Variants in OR2J3 observed in about 807,000 individuals in gnomAD.
OR2J3 encodes olfactory receptor family 2 subfamily J member 3, also known as olfactory receptor 2J3.
A neutral mutation model predicts 18.5 loss-of-function variants in OR2J3; 13 were observed. The ratio of observed to expected loss-of-function variants is 0.70; its 90% CI spans 0.46 to 1.12. The LOEUF (loss-of-function observed/expected upper bound fraction) is 1.12. Among genes scored for constraint, OR2J3 ranks in the 50% most tolerant of loss-of-function variants. The pLI, the probability that OR2J3 is intolerant of heterozygous loss-of-function variation, is 0.00. For synonymous variants in OR2J3, 142 were observed against 140.6 expected (o/e 1.01, Z -0.07); for missense variants, 321 against 371.6 (o/e 0.86, Z 1.12).
intron 3 of OR2J3, among the ~76,000 whole-genome samples, chr6:29,111,185 C>T (rs1047578371): frequency 6.6e-6 from 1 of 152,140 alleles, no homozygotes; most frequent in Non-Finnish European, 1.5e-5. Flanking sequence ...CTCTTTTCAT[C>T]TGGACCAGTT....
At position 29,112,960 on chromosome 6, in the gene OR2J3, G is replaced by T. The variant is rs1392934211; in HGVS notation, c.*134G>T. 2.7e-6 allele frequency: 3 copies of T among 1,113,656 alleles called. No homozygotes were observed. The highest frequency in any genetic ancestry group is 3.7e-6 in the Non-Finnish European group (3 of 806,168). The allele number at this position is 1,113,656 out of a possible 1,614,324, so 69.0% of individuals were successfully genotyped here. A position where few individuals can be genotyped will look rare whatever the true frequency, so the allele number is the denominator to read the frequency against. On this transcript the variant is annotated 3_prime_UTR_variant, in exon 4 of 4. Transcript: ENST00000641151. The stretch of plus-strand genomic sequence containing the variant: ...GCTGAGCATGTACTCTAACAAGGTC[G>T]TGGAGTTCCTGGTAACAGGTAGGAA...
In OR2J3 at chr6:29,114,684, T is replaced by A. The variant is rs1224554367; in HGVS notation, c.*1858T>A. 6.6e-6 allele frequency: 1 copy of A among 152,122 alleles called. No homozygotes were observed. The highest frequency in any genetic ancestry group is 1.5e-5 in the Non-Finnish European group (1 of 68,010). 9.4% of individuals were successfully genotyped at this position (152,122 alleles called of 1,614,324 possible). A position where few individuals can be genotyped will look rare whatever the true frequency, so the allele number is the denominator to read the frequency against. On this transcript the variant is annotated 3_prime_UTR_variant, in exon 4 of 4. Transcript: ENST00000641151. ...TCACCATACCGTAGAATAGATCTCTTGAATTTGTTCCTTCCATCTGAAACT... is the reference window on the plus strand; with the variant it reads ...TCACCATACCGTAGAATAGATCTCTAGAATTTGTTCCTTCCATCTGAAACT...
Position 29,113,719 on chromosome 6 carries a change from T to C in OR2J3, c.*893T>C, listed in dbSNP as rs1762236234. 1 of 152,190 alleles carries C rather than the reference T, an allele frequency of 6.6e-6. No homozygotes were observed. The highest frequency in any genetic ancestry group is 6.5e-5 in the Admixed American group (1 of 15,272). The allele number at this position is 152,190 out of a possible 1,614,324, so 9.4% of individuals were successfully genotyped here. A position where few individuals can be genotyped will look rare whatever the true frequency, so the allele number is the denominator to read the frequency against. ...AAATTTTATGATAGAAACTGTCATATGGAAAATGATAGCTTATTTTTATTT... is the reference window on the plus strand; with the variant it reads ...AAATTTTATGATAGAAACTGTCATACGGAAAATGATAGCTTATTTTTATTT... On this transcript the variant is annotated 3_prime_UTR_variant, in exon 4 of 4. Transcript: ENST00000641151.
chr6:29,112,422 G>T lies in OR2J3; in HGVS notation c.532G>T (p.Asp178Tyr). ...ACCTCTGTGTGGACACCGCCAAGTA[G>T]ATCACTTTTTCTGTGAAGTTCCAGC... ...WVPLCGHRQV[D>Y]HFFCEVPALL... is the part of the protein sequence containing the mutation. The change falls in exon 4 of 4, where the codon GAT becomes TAT. Residue 178 changes from aspartate to tyrosine, a missense_variant. By Grantham distance (160) the Asp-to-Tyr change is radical. Transcript: ENST00000641151. 6.2e-7 allele frequency: 1 copy of T among 1,614,062 alleles called. No homozygotes were observed. The highest frequency in any genetic ancestry group is 8.5e-7 in the Non-Finnish European group (1 of 1,180,000).
chr6:29,112,545 A>C lies in OR2J3; in HGVS notation c.655A>C (p.Thr219Pro), dbSNP rs1447993491. ...FVLIPLILIL[T>P]SYGAIVRAIL... Reference sequence around the variant, plus strand: ...TCTCATACCTCTCATCCTCATTCTCACTTCTTATGGTGCCATCGTCCGAGC... The same window carrying C: ...TCTCATACCTCTCATCCTCATTCTCCCTTCTTATGGTGCCATCGTCCGAGC... The change falls in exon 4 of 4, where the codon ACT (threonine) becomes CCT (proline). Residue 219 changes from threonine (T) to proline (P), a missense_variant. By Grantham distance (38) the Thr-to-Pro change is conservative (BLOSUM62 -1). Coordinates refer to ENST00000641151, the MANE Select transcript of OR2J3 (RefSeq NM_001005216.4). The C allele has an allele frequency of 6.2e-7, 1 of 1,613,918 alleles. No individual in the cohort carries two copies. The highest frequency in any genetic ancestry group is 8.5e-7 in the Non-Finnish European group (1 of 1,179,970).
chr6:29,112,272 G>A lies in OR2J3; in HGVS notation c.382G>A (p.Ala128Thr). The A allele has an allele frequency of 6.2e-7, 1 of 1,614,106 alleles. No homozygotes were observed. Among genetic ancestry groups the A allele is most frequent in the Non-Finnish European group, 8.5e-7 (1 of 1,180,022 alleles). The change falls in exon 4 of 4, where the codon GCT becomes ACT. Residue 128 changes from alanine to threonine, a missense_variant. Ala to Thr is a moderately conservative substitution (Grantham distance 58, BLOSUM62 0). Transcript: ENST00000641151. ...LVVMSYDRYAAVCRPLHYTVL... is the reference protein window; with the variant it reads ...LVVMSYDRYATVCRPLHYTVL... ...GGTGATGTCCTATGACCGTTATGCA[G>A]CTGTGTGTAGACCTTTGCATTACAC...
rs1445609182 is a variant in OR2J3, at chr6:29,112,901, AC to A, written c.*77del. 2.0e-6 allele frequency: 3 copies of A among 1,485,022 alleles called. No homozygotes were observed. The highest frequency in any genetic ancestry group is 2.8e-5 in the African/African-American group (2 of 71,324). 92.0% of individuals were successfully genotyped at this position (1,485,022 alleles called of 1,614,324 possible). A position where few individuals can be genotyped will look rare whatever the true frequency, so the allele number is the denominator to read the frequency against. On this transcript the variant is annotated 3_prime_UTR_variant, in exon 4 of 4. Transcript: ENST00000641151. ...GATTCATCCTTCTATTTATTTATCA[AC>A]CATTCTTTTATTCACTCACTCTGTT... is the stretch of plus-strand genomic sequence containing the variant.
Position 29,112,991 on chromosome 6 carries a change from C to A in OR2J3, c.*165C>A. 2.7e-6 allele frequency: 2 copies of A among 749,322 alleles called. No homozygotes were observed. Among genetic ancestry groups the A allele is most frequent in the Non-Finnish European group, 4.2e-6 (2 of 476,230 alleles). The allele number at this position is 749,322 out of a possible 1,614,324, so 46.4% of individuals were successfully genotyped here. ...TTCCTGGTAACAGGTAGGAATAAAA[C>A]ACAGTCAGCCTAAATACCATTCACT... On this transcript the variant is annotated 3_prime_UTR_variant, in exon 4 of 4. Coordinates refer to ENST00000641151, the MANE Select transcript of OR2J3 (RefSeq NM_001005216.4).
At position 29,112,801 on chromosome 6, in the gene OR2J3, T is replaced by G. The variant is rs780506458; in HGVS notation, c.911T>G (p.Val304Gly). The change falls in exon 4 of 4, where the codon GTG becomes GGG. Residue 304 changes from valine (V) to glycine (G), a missense_variant. Transcript: ENST00000641151. ...AGAAACAAAGTTGTAAGAGGGGCAG[T>G]GAAGAGACTAATGGGGTGGGAATGA... is the stretch of plus-strand genomic sequence containing the variant. ...TLRNKVVRGA[V>G]KRLMGWE The G allele has an allele frequency of 6.2e-7, 1 of 1,613,432 alleles. No homozygotes were observed. Among genetic ancestry groups the G allele is most frequent in the East Asian group, 2.2e-5 (1 of 44,878 alleles).
At position 29,108,841 on chromosome 6, in the gene OR2J3, C is replaced by A. The variant is rs532723556; in HGVS notation, c.-45C>A. 1 of 152,234 alleles carries A rather than the reference C, an allele frequency of 6.6e-6. No individual in the cohort carries two copies. Among genetic ancestry groups the A allele is most frequent in the South Asian group, 2.1e-4 (1 of 4,824 alleles). 9.4% of individuals were successfully genotyped at this position (152,234 alleles called of 1,614,324 possible). On this transcript the variant is annotated 5_prime_UTR_variant, in exon 3 of 4. Transcript: ENST00000641151. ...TCCACCAGGAAGAAGAAAATTAACC[C>A]AGAAAAATTCCTACCTTTTCCTTGC...
intron 3 of OR2J3, among the ~76,000 whole-genome samples, chr6:29,109,863 A>T (rs1762061271): frequency 6.6e-6 from 1 of 152,226 alleles, no homozygotes; most frequent in Non-Finnish European, 1.5e-5. Context: ...ATGATTCATT[A>T]AATATTCAGA....
chr6:29,110,456 C>T lies in OR2J3; in HGVS notation c.-10-1425C>T, dbSNP rs551623336. ...AAGATTATTGTGATTGCAATGATTA[C>T]GTTTTCCACAATCACATTTAAGAAA... On this transcript the variant is annotated intron_variant, in intron 3 of 3. Transcript: ENST00000641151. Among the ~76,000 whole-genome samples the T allele has an allele frequency of 3.4e-4, 52 of 152,164 alleles. 3 individuals carry two copies. In the South Asian group the frequency reaches 8.3e-3, roughly 24 times the overall value.
rs1762234999 is a variant in OR2J3 at position 29,113,696 on chromosome 6, A to G, written c.*870A>G. ...AATTATGTGAAAATATATTGGAAAA[A>G]TTTTATGATAGAAACTGTCATATGG... On this transcript the variant is annotated 3_prime_UTR_variant, in exon 4 of 4. Transcript: ENST00000641151. The G allele has an allele frequency of 6.6e-6, 1 of 152,168 alleles. No homozygotes were observed. The allele number at this position is 152,168 out of a possible 1,614,324, so 9.4% of individuals were successfully genotyped here. A position where few individuals can be genotyped will look rare whatever the true frequency, so the allele number is the denominator to read the frequency against.
Position 29,113,026 on chromosome 6 carries a change from A to G in OR2J3, c.*200A>G. The G allele has an allele frequency of 1.7e-6, 1 of 588,672 alleles. No homozygotes were observed. The highest frequency in any genetic ancestry group is 2.9e-6 in the Non-Finnish European group (1 of 345,060). The allele number at this position is 588,672 out of a possible 1,614,324, so 36.5% of individuals were successfully genotyped here. On this transcript the variant is annotated 3_prime_UTR_variant, in exon 4 of 4. Coordinates refer to ENST00000641151, the MANE Select transcript of OR2J3 (RefSeq NM_001005216.4). ...CTAAATACCATTCACTTGTGGAGAA[A>G]ACAGCTATGTAAAATCAAGATAAAA...
rs1487981504 is a variant in OR2J3, at chr6:29,112,637, G to C, written c.747G>C (p.Met249Ile). 3 of 1,614,066 alleles carry C rather than the reference G, an allele frequency of 1.9e-6. No individual in the cohort carries two copies. The highest frequency in any genetic ancestry group is 2.5e-6 in the Non-Finnish European group (3 of 1,180,018). Residue 249 changes from methionine to isoleucine, a missense_variant, in exon 4 of 4, where the codon ATG (methionine) becomes ATC (isoleucine). Met to Ile is a conservative substitution (Grantham distance 10). Transcript: ENST00000641151. ...KVFGTCGAHL[M>I]AVSLFFIPAM... ...TTGGAACATGTGGAGCTCATCTTAT[G>C]GCTGTATCTCTCTTTTTCATTCCGG...
In OR2J3 at chr6:29,112,902, C is replaced by T; in HGVS notation, c.*76C>T. The stretch of plus-strand genomic sequence containing the variant: ...ATTCATCCTTCTATTTATTTATCAA[C>T]CATTCTTTTATTCACTCACTCTGTT... On this transcript the variant is annotated 3_prime_UTR_variant, in exon 4 of 4. Coordinates refer to ENST00000641151, the MANE Select transcript of OR2J3 (RefSeq NM_001005216.4). The T allele has an allele frequency of 1.3e-6, 2 of 1,481,902 alleles. No homozygotes were observed. The highest frequency in any genetic ancestry group is 1.4e-5 in the South Asian group (1 of 72,554). 91.8% of individuals were successfully genotyped at this position (1,481,902 alleles called of 1,614,324 possible). A position where few individuals can be genotyped will look rare whatever the true frequency, so the allele number is the denominator to read the frequency against.
chr6:29,110,253 AG>A (rs1391805789), intron 3 of OR2J3, among the ~76,000 whole-genome samples: 1 of 152,200 alleles, frequency 6.6e-6, no homozygotes, highest in Non-Finnish European at 1.5e-5. Flanking sequence ...TTGATGAGCA[AG>A]TGTCTGTGTC....
In OR2J3 at chr6:29,114,194, A is replaced by G. The variant is rs1211201028; in HGVS notation, c.*1368A>G. ...CATCTCTGACTCTTCCTTTATTTCT[A>G]ACTAGGCATGAAAAATATGAGGCAT... On this transcript the variant is annotated 3_prime_UTR_variant, in exon 4 of 4. Coordinates refer to ENST00000641151, the MANE Select transcript of OR2J3 (RefSeq NM_001005216.4). 6.6e-6 allele frequency: 1 copy of G among 152,126 alleles called. No homozygotes were observed. The highest frequency in any genetic ancestry group is 1.5e-5 in the Non-Finnish European group (1 of 68,024). 9.4% of individuals were successfully genotyped at this position (152,126 alleles called of 1,614,324 possible).
intron 3 of OR2J3, among the ~76,000 whole-genome samples, chr6:29,110,560 T>C (rs1397757271): frequency 6.6e-6 from 1 of 152,202 alleles, no homozygotes; most frequent in Non-Finnish European, 1.5e-5. Context: ...ATGGAAATTA[T>C]CTTCCTTAGC....
Sources: gnomAD v4.1 joint callset for allele counts (sites outside exome capture counted in the v4.1 genomes callset) on GRCh38, gnomAD v4.1.1 for gene constraint, MANE v1.5 for transcripts, NCBI Gene and HGNC (gene_info 2026-07-23, HGNC 2026-07-21) for gene names.